Variants in TM9SF2 observed in about 807,000 individuals in gnomAD.
The protein encoded by TM9SF2 is 76 kDa membrane protein.
Under a neutral mutation model 84.9 loss-of-function variants are expected in TM9SF2, and 13 were observed. That is an observed-to-expected ratio of 0.15 (90% CI 0.10 to 0.24). The LOEUF (loss-of-function observed/expected upper bound fraction) is 0.24. Ranked by LOEUF, TM9SF2 falls within the 10% of genes least tolerant of loss-of-function variation. The pLI, the probability that TM9SF2 is intolerant of heterozygous loss-of-function variation, is 1.00. For synonymous variants in TM9SF2, 273 were observed against 285.8 expected, an observed-to-expected ratio of 0.96 and a Z score of 0.45; for missense variants, 562 against 818.5, an observed-to-expected ratio of 0.69 and a Z score of 3.82.
Position 99,529,511 on chromosome 13 carries a change from A to G in TM9SF2, c.378A>G (p.Lys126=), listed in dbSNP as rs1488782216. Residue 126 remains lysine (K), a synonymous_variant, in exon 4 of 17, where the codon AAA becomes AAG. Coordinates refer to ENST00000376387, the MANE Select transcript of TM9SF2 (RefSeq NM_004800.3). ...KKETCKLVCT[K]TYHTEKAEDK... ...AGACCTGTAAGCTTGTTTGTACAAA[A>G]ACATACCATACAGAGAAAGCTGAAG... is the stretch of plus-strand genomic sequence containing the variant. 1 of 1,594,702 alleles carries G rather than the reference A, an allele frequency of 6.3e-7. No homozygotes were observed. Among genetic ancestry groups the G allele is most frequent in the Non-Finnish European group, 8.5e-7 (1 of 1,174,126 alleles).
chr13:99,548,630 T>C (rs2046293730), intron 11 of TM9SF2, among the ~76,000 whole-genome samples: 1 of 152,150 alleles, frequency 6.6e-6, no homozygotes, highest in South Asian at 2.1e-4. Flanking sequence ...TTAGCAAACA[T>C]GGTCTGTCAA....
intron 1 of TM9SF2, among the ~76,000 whole-genome samples, chr13:99,504,604 T>C (rs1311683038): frequency 6.6e-6 from 1 of 152,206 alleles, no homozygotes; most frequent in Non-Finnish European, 1.5e-5. Context: ...AGAAGAATGC[T>C]GAGGATTTAG....
intron 15 of TM9SF2, among the ~76,000 whole-genome samples, chr13:99,558,356 T>A (rs4771336): frequency 6.6e-6 from 1 of 152,072 alleles, no homozygotes; most frequent in African/African-American, 2.4e-5. Flanking sequence ...CTGCAAAAAT[T>A]GAATCATTGG....
chr13:99,521,266 T>C (rs1215070537), intron 3 of TM9SF2, among the ~76,000 whole-genome samples: 1 of 152,200 alleles, frequency 6.6e-6, no homozygotes, highest in Non-Finnish European at 1.5e-5. Flanking sequence ...TTAAATAGAT[T>C]AGATTTACTT....
At position 99,555,728 on chromosome 13, in the gene TM9SF2, A is replaced by G. The variant is rs1029501514; in HGVS notation, c.1752+81A>G. The G allele has an allele frequency of 1.4e-5, 12 of 848,412 alleles. No individual in the cohort carries two copies. In the African/African-American group the frequency reaches 1.9e-4, roughly 13 times the overall value. 52.6% of individuals were successfully genotyped at this position (848,412 alleles called of 1,614,324 possible). On this transcript the variant is annotated intron_variant, in intron 15 of 16. Transcript: ENST00000376387. Reference sequence around the variant, plus strand: ...TGCAATTTGTATATTATTAATTAAAATAATTTCTGTAGATGTATGTTTATT... The same window carrying G: ...TGCAATTTGTATATTATTAATTAAAGTAATTTCTGTAGATGTATGTTTATT...
Position 99,501,587 on chromosome 13 carries a change from C to T in TM9SF2, c.-20C>T, listed in dbSNP as rs757679078. 1.4e-5 allele frequency: 22 copies of T among 1,609,618 alleles called. No individual in the cohort carries two copies. The Admixed American group carries it at 2.7e-4, about 20-fold the overall frequency. On this transcript the variant is annotated 5_prime_UTR_variant, in exon 1 of 17. Transcript: ENST00000376387. Reference sequence around the variant, plus strand: ...TCTTGACCCCCTAGGTTTGATTGCCCTTTCCCCGAAACAACTATCATGAGC... The same window carrying T: ...TCTTGACCCCCTAGGTTTGATTGCCTTTTCCCCGAAACAACTATCATGAGC...
At chr13:99,520,196 C>G in intron 3 of TM9SF2, 67 bp downstream of exon 3, 1 of 1,345,778 alleles carries the variant, frequency 7.4e-7, no homozygotes, top group Middle Eastern at 1.9e-4. Context: ...TAAGAAAAGC[C>G]TGAGATAACT....
At chr13:99,540,975 C>T (rs1476372260) in intron 8 of TM9SF2, among the ~76,000 whole-genome samples, 182 bp downstream of exon 8, 1 of 152,228 alleles carries the variant, frequency 6.6e-6, no homozygotes, top group Non-Finnish European at 1.5e-5. Flanking sequence ...GCGTCTGTTT[C>T]TTTATCTAGA....
chr13:99,550,528 A>AC (rs2046301279), intron 12 of TM9SF2, among the ~76,000 whole-genome samples: 1 of 152,082 alleles, frequency 6.6e-6, no homozygotes, highest in South Asian at 2.1e-4. Context: ...TCTCTGATCA[A>AC]CCCTTCTCTG....
chr13:99,507,965 G>A (rs1321799527), intron 1 of TM9SF2, among the ~76,000 whole-genome samples: 1 of 152,096 alleles, frequency 6.6e-6, no homozygotes, highest in African/African-American at 2.4e-5. Flanking sequence ...CGTGTGCCTT[G>A]TTAAAACAAA....
intron 6 of TM9SF2, among the ~76,000 whole-genome samples, chr13:99,539,171 CCG>C (rs746176519): frequency 8.1e-4 from 122 of 150,568 alleles, no homozygotes; most frequent in Admixed American, 2.5e-3. Context: ...GATGGCACCA[CCG>C]CACTCAGGCC....
intron 1 of TM9SF2, among the ~76,000 whole-genome samples, chr13:99,502,345 C>T (rs893526916): frequency 6.6e-6 from 1 of 152,062 alleles, no homozygotes; most frequent in Non-Finnish European, 1.5e-5. Context: ...AAGTTGGTTC[C>T]TTATTTGTGG....
intron 5 of TM9SF2, 63 bp downstream of exon 5, chr13:99,536,800 T>C: frequency 1.3e-6 from 2 of 1,575,584 alleles, no homozygotes; most frequent in Non-Finnish European, 1.7e-6. Flanking sequence ...ATTCAGTCTT[T>C]ACCTGGACAA....
intron 1 of TM9SF2, among the ~76,000 whole-genome samples, chr13:99,505,325 G>T (rs1289867890): frequency 3.9e-5 from 6 of 151,934 alleles, no homozygotes; most frequent in Non-Finnish European, 7.4e-5. Flanking sequence ...GCTAATTTTT[G>T]TATTTTTAGT....
At chr13:99,523,653 A>G (rs950440667) in intron 3 of TM9SF2, among the ~76,000 whole-genome samples, 1 of 152,220 alleles carries the variant, frequency 6.6e-6, no homozygotes, top group African/African-American at 2.4e-5. Flanking sequence ...ACTCATATTC[A>G]TTCACTCAGT....
intron 10 of TM9SF2, among the ~76,000 whole-genome samples, chr13:99,546,005 A>G (rs959075539): frequency 1.3e-5 from 2 of 152,230 alleles, no homozygotes; most frequent in African/African-American, 4.8e-5. Context: ...ATTTTCCTTA[A>G]GTCCTCAAAT....
intron 10 of TM9SF2, 96 bp downstream of exon 10, chr13:99,544,091 C>A: frequency 1.4e-6 from 2 of 1,414,694 alleles, no homozygotes; most frequent in African/African-American, 1.4e-5. Flanking sequence ...GTGGCTCATG[C>A]CTGTAATCCT....
At chr13:99,556,589 T>TC (rs1555341249) in intron 15 of TM9SF2, among the ~76,000 whole-genome samples, 3 of 149,880 alleles carry the variant, frequency 2.0e-5, no homozygotes, top group African/African-American at 4.9e-5. Flanking sequence ...TTTTTTTTTT[T>TC]CCTTTTTTTC....
intron 1 of TM9SF2, among the ~76,000 whole-genome samples, chr13:99,502,808 A>T (rs1194204744): frequency 6.6e-6 from 1 of 152,218 alleles, no homozygotes; most frequent in African/African-American, 2.4e-5. Flanking sequence ...AGGCTTATTT[A>T]TTAAGTTTGA....
Sources: allele counts gnomAD v4.1 joint callset (sites outside exome capture counted in the v4.1 genomes callset), GRCh38; gene constraint gnomAD v4.1.1; transcripts MANE v1.5; gene names NCBI Gene and HGNC (gene_info 2026-07-23, HGNC 2026-07-21).